Variants in MYZAP observed in about 807,000 individuals in gnomAD.
MYZAP encodes the protein myocardial zonula adherens protein.
In MYZAP, 66 loss-of-function variants were observed where a neutral mutation model predicts 69.4. That is an observed-to-expected ratio of 0.95 (90% confidence interval 0.78 to 1.17). The LOEUF (loss-of-function observed/expected upper bound fraction) is 1.17. MYZAP is among the 50% of genes most tolerant of loss of function. MYZAP has a pLI of 0.00. For synonymous variants in MYZAP, 256 were observed against 205.9 expected, an observed-to-expected ratio of 1.24 and a Z score of -2.09; for missense variants, 611 against 556.2, an observed-to-expected ratio of 1.10 and a Z score of -0.99.
At chr15:57,643,017 T>A (rs2037248101) in intron 10 of MYZAP, among the ~76,000 whole-genome samples, 1 of 152,184 alleles carries the variant, frequency 6.6e-6, no homozygotes, top group South Asian at 2.1e-4. Context: ...TAGGGCTTTC[T>A]ACTGAATTAA....
At chr15:57,646,024 T>C in intron 10 of MYZAP, 2 of 510,048 alleles carry the variant, frequency 3.9e-6, no homozygotes, top group Non-Finnish European at 6.8e-6. Flanking sequence ...ATGCCCTGTG[T>C]TTAGAGGATT....
At chr15:57,662,152 T>G (rs2251762) in intron 11 of MYZAP, among the ~76,000 whole-genome samples, 105,147 of 152,064 alleles carry the variant, frequency 0.69, 36,521 homozygotes, top group East Asian at 0.87. Flanking sequence ...ATTTTGTATA[T>G]GTTCCAGAGA....
At chr15:57,607,725 A>G (rs1401709438) in intron 2 of MYZAP, among the ~76,000 whole-genome samples, 1 of 152,214 alleles carries the variant, frequency 6.6e-6, no homozygotes, top group Non-Finnish European at 1.5e-5. Context: ...TCACTGCAGA[A>G]GAACTGGGGT....
chr15:57,663,409 C>T (rs78781200), intron 11 of MYZAP, among the ~76,000 whole-genome samples: 4 of 152,202 alleles, frequency 2.6e-5, no homozygotes, highest in Non-Finnish European at 4.4e-5. Flanking sequence ...ATCTGGGAGG[C>T]GATCTCAGGA....
chr15:57,682,112 C>T (rs189174469), intron 12 of MYZAP, among the ~76,000 whole-genome samples: 2 of 152,180 alleles, frequency 1.3e-5, no homozygotes, highest in Admixed American at 6.5e-5. Context: ...AGTTTAAGGC[C>T]GTTTGGTATA....
intron 1 of MYZAP, among the ~76,000 whole-genome samples, chr15:57,596,881 G>A (rs182523995): frequency 9.9e-5 from 15 of 151,964 alleles, no homozygotes; most frequent in East Asian, 3.9e-4. Flanking sequence ...CCTCCTTCTC[G>A]TGTTCCCCTA....
chr15:57,594,858 C>T (rs776612683), intron 1 of MYZAP, among the ~76,000 whole-genome samples: 2 of 152,156 alleles, frequency 1.3e-5, no homozygotes, highest in Admixed American at 6.5e-5. Flanking sequence ...TGGAAGTGTA[C>T]CTTTCATTGA....
Position 57,601,677 on chromosome 15 carries a change from C to T in MYZAP, c.76-2592C>T, listed in dbSNP as rs755661338. On this transcript the variant is annotated intron_variant, in intron 1 of 12. Coordinates refer to ENST00000267853, the MANE Select transcript of MYZAP (RefSeq NM_001018100.5). ...CTGGGGGTCAGGCCACATCTGATTC[C>T]GGGGTCCCTGGGGGATGATGCTTGC... 7.9e-5 allele frequency among the ~76,000 whole-genome samples: 12 copies of T among 152,078 alleles called. 1 individual carries two copies. The highest frequency in any genetic ancestry group is 6.5e-4 in the Admixed American group (10 of 15,284).
intron 10 of MYZAP, among the ~76,000 whole-genome samples, chr15:57,653,276 G>T (rs2037818061): frequency 6.6e-6 from 1 of 152,094 alleles, no homozygotes; most frequent in South Asian, 2.1e-4. Context: ...TTATTGCAGG[G>T]GAAGTTTATG....
Position 57,633,640 on chromosome 15 carries a change from A to G in MYZAP, c.832A>G (p.Ile278Val), listed in dbSNP as rs761560230. 2 of 1,613,380 alleles carry G rather than the reference A, an allele frequency of 1.2e-6. No individual in the cohort carries two copies. Among genetic ancestry groups the G allele is most frequent in the Admixed American group, 3.3e-5 (2 of 59,954 alleles). ...AGAAACCAATAGTTTTCTGAAAGCG[A>G]TTGAAGAAGCCAATAAAAAGATGCA... Reference protein sequence around the residue: ...LEETNSFLKAIEEANKKMQAA... With the variant: ...LEETNSFLKAVEEANKKMQAA... The change falls in exon 8 of 13, where the codon ATT becomes GTT. Residue 278 changes from isoleucine to valine, a missense_variant. Ile to Val is a conservative substitution (Grantham distance 29). Transcript: ENST00000267853.
At chr15:57,635,756 C>T (rs953740111) in intron 8 of MYZAP, among the ~76,000 whole-genome samples, 2 of 152,240 alleles carry the variant, frequency 1.3e-5, no homozygotes, top group African/African-American at 2.4e-5. Flanking sequence ...AACGGCATGT[C>T]CTAGGCAGGG....
At chr15:57,593,212 A>ACACACACACACACACACACACACC (rs770540454) in intron 1 of MYZAP, among the ~76,000 whole-genome samples, 1 of 124,908 alleles carries the variant, frequency 8.0e-6, no homozygotes, top group East Asian at 2.0e-4. Context: ...ACACACACAC[A>ACACACACACACACACACACACACC]CACCCCAGAA....
chr15:57,619,441 A>G (rs80333372), intron 3 of MYZAP, among the ~76,000 whole-genome samples: 2,248 of 152,264 alleles, frequency 0.015, 30 homozygotes, highest in South Asian at 0.045. Context: ...TGGCGACACA[A>G]TCACAGCTTA....
At chr15:57,639,581 C>T (rs2037019827) in intron 10 of MYZAP, 36 bp downstream of exon 10, 1 of 1,599,134 alleles carries the variant, frequency 6.3e-7, no homozygotes, top group African/African-American at 1.3e-5. Flanking sequence ...CCTGGGATTG[C>T]TTCCTGTGGT....
chr15:57,683,532 G>T (rs1324700145), intron 12 of MYZAP, among the ~76,000 whole-genome samples: 1 of 152,148 alleles, frequency 6.6e-6, no homozygotes, highest in Admixed American at 6.5e-5. Context: ...TGGATGCCTA[G>T]TACAACCTTT....
intron 12 of MYZAP, among the ~76,000 whole-genome samples, chr15:57,676,783 T>C (rs2039158209): frequency 6.6e-6 from 1 of 152,298 alleles, no homozygotes; most frequent in Non-Finnish European, 1.5e-5. Flanking sequence ...AGCAAACTTT[T>C]ATGGCTAAGT....
intron 12 of MYZAP, among the ~76,000 whole-genome samples, chr15:57,677,241 C>T (rs577758413): frequency 6.6e-6 from 1 of 152,286 alleles, no homozygotes; most frequent in East Asian, 1.9e-4. Context: ...CTTCTTCCTC[C>T]CCAAAACAAC....
In MYZAP at chr15:57,621,612, G is replaced by C. The variant is rs757115112; in HGVS notation, c.323G>C (p.Arg108Thr). The C allele has an allele frequency of 2.5e-6, 4 of 1,613,468 alleles. No individual in the cohort carries two copies. The African/African-American group carries it at 4.0e-5, about 16-fold the overall frequency. Reference protein sequence around the residue: ...KEEMNYIKDVRATLEKVRKRM... With the variant: ...KEEMNYIKDVTATLEKVRKRM... The stretch of plus-strand genomic sequence containing the variant: ...TAGTATCTTTGTGGGCTACAGGTGA[G>C]AGCCACTTTGGAAAAGGTGAGAAAG... Residue 108 changes from arginine (R) to threonine (T), a missense_variant, in exon 4 of 13, where the codon AGA becomes ACA. Physicochemically the swap from Arg to Thr is moderately conservative, Grantham distance 71 (BLOSUM62 -1). Coordinates refer to ENST00000267853, the MANE Select transcript of MYZAP (RefSeq NM_001018100.5).
chr15:57,634,478 A>T (rs2140447687), intron 8 of MYZAP, among the ~76,000 whole-genome samples: 1 of 152,292 alleles, frequency 6.6e-6, no homozygotes, highest in Admixed American at 6.5e-5. Context: ...CAAGACCCTG[A>T]CATTATTAGC....
Sources: gnomAD v4.1 joint callset for allele counts (sites outside exome capture counted in the v4.1 genomes callset) on GRCh38, gnomAD v4.1.1 for gene constraint, MANE v1.5 for transcripts, NCBI Gene and HGNC (gene_info 2026-07-23, HGNC 2026-07-21) for gene names.